Variants in FGF1 observed in about 807,000 individuals in gnomAD.
FGF1 encodes the protein beta-endothelial cell growth factor.
Under a neutral mutation model 13.4 loss-of-function variants are expected in FGF1, and 9 were observed. The observed-to-expected ratio is 0.67, with a 90% confidence interval of 0.40 to 1.17. FGF1 has a LOEUF of 1.17. Ranked by LOEUF, FGF1 falls within the 50% of genes most tolerant of loss-of-function variation. The pLI is 0.01. For synonymous variants in FGF1, 93 were observed against 79.0 expected, an observed-to-expected ratio of 1.18 and a Z score of -0.94; for missense variants, 156 against 192.7, an observed-to-expected ratio of 0.81 and a Z score of 1.13.
chr5:142,637,544 C>T (rs931342826), intron 1 of FGF1, among the ~76,000 whole-genome samples: 10 of 151,994 alleles, frequency 6.6e-5, no homozygotes, highest in Non-Finnish European at 1.0e-4. Flanking sequence ...TGGTCTCAAT[C>T]TCCTGACTTC....
upstream of FGF1, among the ~76,000 whole-genome samples, chr5:142,688,973 C>G (rs1453065686): frequency 1.3e-5 from 2 of 152,216 alleles, no homozygotes; most frequent in Admixed American, 1.3e-4. Flanking sequence ...AGACATATAA[C>G]TATCACATTT....
At position 142,613,933 on chromosome 5, in the gene FGF1, G is replaced by A. The variant is rs41290617; in HGVS notation, c.169+26C>T. 5 of 1,606,970 alleles carry A rather than the reference G, an allele frequency of 3.1e-6. No homozygotes were observed. In the Admixed American group the frequency reaches 8.4e-5, roughly 27 times the overall value. On this transcript the variant is annotated intron_variant, in intron 2 of 3. Transcript: ENST00000337706. ...ACTACAGAAGATGTCAGAAAGGGAA[G>A]GGGGGTGCCATAGAGATGGGCTTAC...
At chr5:142,606,218 C>CTGTGTGTGTGTGTG (rs61445131) in intron 2 of FGF1, among the ~76,000 whole-genome samples, 69 of 143,150 alleles carry the variant, frequency 4.8e-4, no homozygotes, top group East Asian at 2.2e-3. Flanking sequence ...CTTTCTCTCT[C>CTGTGTGTGTGTGTG]TGTGTGTGTG....
intron 1 of FGF1, among the ~76,000 whole-genome samples, chr5:142,647,406 T>C (rs1413980302): frequency 6.6e-6 from 1 of 152,248 alleles, no homozygotes; most frequent in Non-Finnish European, 1.5e-5. Context: ...GTTGAGCTGC[T>C]ATATAAACCC....
chr5:142,657,060 GGCATGTGCCACCAC>G lies in FGF1; in HGVS notation c.-35+28883_-35+28896del, dbSNP rs371106185. 8.5e-3 allele frequency among the ~76,000 whole-genome samples: 1,293 copies of G among 152,168 alleles called. 16 individuals carry two copies. Among genetic ancestry groups the G allele is most frequent in the African/African-American group, 0.03 (1,232 of 41,498 alleles). ...AGCCTCCTGAGTAGCTGGGATTATAGGCATGTGCCACCACGCCCAGCTAATTTTGTATTTTTAGT... is the reference window on the plus strand; with the variant it reads ...AGCCTCCTGAGTAGCTGGGATTATAGGCCCAGCTAATTTTGTATTTTTAGT... On this transcript the variant is annotated intron_variant, in intron 1 of 3. Transcript: ENST00000337706.
intron 1 of FGF1, among the ~76,000 whole-genome samples, chr5:142,623,246 A>G (rs965427058): frequency 6.6e-6 from 1 of 152,206 alleles, no homozygotes; most frequent in Non-Finnish European, 1.5e-5. Context: ...GCTGCATAAC[A>G]GTAGCTACTG....
intron 2 of FGF1, among the ~76,000 whole-genome samples, chr5:142,606,572 G>A (rs902412054): frequency 2.2e-4 from 33 of 152,154 alleles, no homozygotes; most frequent in African/African-American, 7.5e-4. Flanking sequence ...GCAGTGAGCC[G>A]AGATCGTGCC....
intron 1 of FGF1, among the ~76,000 whole-genome samples, chr5:142,650,870 A>T (rs1356063134): frequency 6.6e-6 from 1 of 152,194 alleles, no homozygotes; most frequent in Non-Finnish European, 1.5e-5. Flanking sequence ...CAGGAGGGAC[A>T]TGGAGATTTC....
At chr5:142,635,558 G>A (rs1379673417) in intron 1 of FGF1, among the ~76,000 whole-genome samples, 4 of 152,178 alleles carry the variant, frequency 2.6e-5, no homozygotes, top group Non-Finnish European at 5.9e-5. Context: ...GGTTTGCAGC[G>A]CCTGACGCTG....
chr5:142,686,237 G>A (rs1168482593), upstream of FGF1: 1 of 152,148 alleles, frequency 6.6e-6, no homozygotes, highest in Admixed American at 6.6e-5. Context: ...AAGAATGTCA[G>A]CCTCTAGGTC....
chr5:142,597,489 A>G (rs1349666934), intron 3 of FGF1, among the ~76,000 whole-genome samples: 1 of 152,160 alleles, frequency 6.6e-6, no homozygotes, highest in Non-Finnish European at 1.5e-5. Context: ...TCCAGCAACC[A>G]CTATTTTGCT....
At chr5:142,685,691 T>C (rs1751006013) in intron 1 of FGF1, 2 of 152,332 alleles carry the variant, frequency 1.3e-5, no homozygotes, top group South Asian at 4.1e-4. Flanking sequence ...AGAAGTACTA[T>C]TTTTACATGT....
chr5:142,643,516 C>G (rs1386166688), intron 1 of FGF1, among the ~76,000 whole-genome samples: 2 of 152,024 alleles, frequency 1.3e-5, no homozygotes, highest in Admixed American at 6.5e-5. Flanking sequence ...GAGGCAATAC[C>G]CTGAGTTACT....
intron 1 of FGF1, among the ~76,000 whole-genome samples, chr5:142,646,165 TC>T (rs1766039270): frequency 7.0e-6 from 1 of 142,350 alleles, no homozygotes; most frequent in Non-Finnish European, 1.5e-5. Flanking sequence ...TGCCTCGGCC[TC>T]CCAAAGTGCT....
intron 1 of FGF1, among the ~76,000 whole-genome samples, chr5:142,667,006 G>T (rs912063799): frequency 6.6e-6 from 1 of 152,014 alleles, no homozygotes; most frequent in Non-Finnish European, 1.5e-5. Context: ...AAGAAGCCGG[G>T]CACAGTGGCT....
intron 1 of FGF1, chr5:142,671,980 G>GT (rs1310587867): frequency 6.6e-6 from 1 of 152,142 alleles, no homozygotes; most frequent in Non-Finnish European, 1.5e-5. Context: ...CACAACTGAG[G>GT]TTTTTCCTAA....
chr5:142,620,577 A>G (rs1761369460), intron 1 of FGF1, among the ~76,000 whole-genome samples: 1 of 152,246 alleles, frequency 6.6e-6, no homozygotes, highest in African/African-American at 2.4e-5. Flanking sequence ...CTAATGACAT[A>G]GCCTCAAAAT....
chr5:142,613,212 A>G (rs761870761), intron 2 of FGF1, among the ~76,000 whole-genome samples: 1 of 152,208 alleles, frequency 6.6e-6, no homozygotes, highest in East Asian at 1.9e-4. Context: ...ATACACACCA[A>G]TGCCAGAAGT....
At chr5:142,602,129 T>C (rs1488840450) in intron 2 of FGF1, among the ~76,000 whole-genome samples, 1 of 151,736 alleles carries the variant, frequency 6.6e-6, no homozygotes, top group East Asian at 1.9e-4. Context: ...CACAGAGCTT[T>C]GGTTGGTAGA....
Sources: allele counts gnomAD v4.1 joint callset (sites outside exome capture counted in the v4.1 genomes callset), GRCh38; gene constraint gnomAD v4.1.1; transcripts MANE v1.5; gene names NCBI Gene and HGNC (gene_info 2026-07-23, HGNC 2026-07-21).